Variants in GRIA3 observed in about 807,000 individuals in gnomAD.
GRIA3 encodes the protein glutamate receptor 3.
GRIA3 carries 3 observed loss-of-function variants against 63.0 expected under a neutral mutation model. The ratio of observed to expected loss-of-function variants is 0.05; its 90% CI spans 0.02 to 0.12. The LOEUF (loss-of-function observed/expected upper bound fraction) is 0.12. GRIA3 is among the 10% of genes least tolerant of loss of function. The pLI, the probability that GRIA3 is intolerant of heterozygous loss-of-function variation, is 1.00. For missense variants in GRIA3, 347 were observed against 700.9 expected (o/e 0.50, Z 5.70); for synonymous variants, 274 against 257.9 (o/e 1.06, Z -0.60).
At chrX:123,250,405 T>G (rs1187223372) in intron 2 of GRIA3, among the ~76,000 whole-genome samples, 3 of 112,182 alleles carry the variant, frequency 2.7e-5, no homozygotes, top group Non-Finnish European at 5.6e-5. Context: ...ACCTCGCCAC[T>G]TATCTTCTGT....
chrX:123,404,520 CAAA>C (rs374514027), intron 9 of GRIA3, among the ~76,000 whole-genome samples, 185 bp from the exon 10 acceptor site: 4 of 65,484 alleles, frequency 6.1e-5, no homozygotes, highest in Admixed American at 3.5e-4. Flanking sequence ...CTCCCCCTAC[CAAA>C]AAAAAAAAAA....
chrX:123,265,995 T>A (rs1160451665), intron 3 of GRIA3, among the ~76,000 whole-genome samples: 1 of 112,021 alleles, frequency 8.9e-6, no homozygotes, highest in Non-Finnish European at 1.9e-5. Context: ...GTCAGTATTC[T>A]CAACAGTGGC....
chrX:123,338,127 A>G (rs2044985553), intron 4 of GRIA3, among the ~76,000 whole-genome samples: 1 of 111,933 alleles, frequency 8.9e-6, no homozygotes, highest in Non-Finnish European at 1.9e-5. Context: ...GCTCTTCTGC[A>G]TTAACCCCAT....
At chrX:123,340,164 C>T (rs906134428) in intron 4 of GRIA3, among the ~76,000 whole-genome samples, 1 of 112,250 alleles carries the variant, frequency 8.9e-6, no homozygotes, top group Non-Finnish European at 1.9e-5. Flanking sequence ...AGGTCACCTG[C>T]CTTCTTACCC....
intron 3 of GRIA3, among the ~76,000 whole-genome samples, chrX:123,279,201 A>C: frequency 8.9e-6 from 1 of 111,733 alleles, no homozygotes; most frequent in East Asian, 2.8e-4. Context: ...GGTGGTTACC[A>C]GAGGATAGGG....
At chrX:123,192,251 A>G (rs1362536228) in intron 2 of GRIA3, among the ~76,000 whole-genome samples, 2 of 111,534 alleles carry the variant, frequency 1.8e-5, no homozygotes, top group Non-Finnish European at 3.8e-5. Flanking sequence ...TTATTTTATT[A>G]AAGAGGCTGG....
At chrX:123,304,358 T>C (rs1289433174) in intron 3 of GRIA3, among the ~76,000 whole-genome samples, 2 of 111,724 alleles carry the variant, frequency 1.8e-5, no homozygotes, top group East Asian at 2.8e-4. Flanking sequence ...AGTGTGTACA[T>C]CTGTAAAATC....
intron 3 of GRIA3, among the ~76,000 whole-genome samples, chrX:123,302,156 G>T (rs1427787526): frequency 1.8e-5 from 2 of 111,910 alleles, no homozygotes; most frequent in Non-Finnish European, 3.8e-5. Context: ...CCTGGAATCG[G>T]ATCTTAGACA....
intron 2 of GRIA3, among the ~76,000 whole-genome samples, chrX:123,239,801 A>G (rs1285651450): frequency 1.8e-5 from 2 of 112,332 alleles, no homozygotes; most frequent in Non-Finnish European, 3.8e-5. Context: ...GCTATGGAGC[A>G]CTTGAAATAT....
chrX:123,204,935 C>A (rs1418193722), intron 2 of GRIA3, among the ~76,000 whole-genome samples: 2 of 111,198 alleles, frequency 1.8e-5, no homozygotes, highest in Non-Finnish European at 3.8e-5. Context: ...CATGCATGAA[C>A]ATAAAATGGC....
In GRIA3 at chrX:123,404,734, G is replaced by T. The variant is rs759372636; in HGVS notation, c.1320G>T (p.Lys440Asn). 1 of 1,205,363 alleles carries T rather than the reference G, an allele frequency of 8.3e-7. No individual in the cohort carries two copies. Among genetic ancestry groups the T allele is most frequent in the Non-Finnish European group, 1.1e-6 (1 of 889,831 alleles). Residue 440 changes from lysine (K) to asparagine (N), a missense_variant, in exon 10 of 16, where the codon AAG becomes AAT. By Grantham distance (94) the Lys-to-Asn change is moderately conservative. Around this residue, in one of 8 missense-constraint regions of GRIA3, gnomAD observed 65 missense variants for 145.8 expected, o/e 0.45. Coordinates refer to ENST00000620443, the MANE Select transcript of GRIA3 (RefSeq NM_007325.5). ...ILESPYVMYK[K>N]NHEQLEGNER... ...AATCACCATATGTAATGTACAAGAA[G>T]AACCATGAGCAACTGGAAGGAAATG...
chrX:123,374,925 A>C (rs1178011665), intron 5 of GRIA3, among the ~76,000 whole-genome samples: 6 of 111,202 alleles, frequency 5.4e-5, no homozygotes, highest in Non-Finnish European at 1.1e-4. Context: ...GATGCTCTTT[A>C]TTTCTTTCTT....
chrX:123,248,096 C>T lies in GRIA3; in HGVS notation c.269-5207C>T, dbSNP rs753762543. ...TTGAATGTCTATTATATGCTAAGCA[C>T]TGTTATAGGTGCTGCCCATGAATGA... On this transcript the variant is annotated intron_variant, in intron 2 of 15. Coordinates refer to ENST00000620443, the MANE Select transcript of GRIA3 (RefSeq NM_007325.5). Among the ~76,000 whole-genome samples, 9 of 112,255 alleles carry T rather than the reference C, an allele frequency of 8.0e-5. No homozygotes were observed. The South Asian group carries it at 2.3e-3, about 28-fold the overall frequency.
intron 13 of GRIA3, among the ~76,000 whole-genome samples, chrX:123,471,990 CATATATATATATATATATAT>C (rs760824587): frequency 5.2e-4 from 7 of 13,415 alleles, no homozygotes; most frequent in Admixed American, 2.1e-3. Context: ...CAATGGCATT[CATATATATATATATATATAT>C]ATATATATAT....
At position 123,405,014 on chromosome X, in the gene GRIA3, T is replaced by G. The variant is rs1187918705; in HGVS notation, c.1500+100T>G. 9 of 638,082 alleles carry G rather than the reference T, an allele frequency of 1.4e-5. No individual in the cohort carries two copies. In the East Asian group the frequency reaches 2.6e-4, roughly 18 times the overall value. The allele number at this position is 638,082 out of a possible 1,213,427, so 52.6% of individuals were successfully genotyped here. On this transcript the variant is annotated intron_variant, in intron 10 of 15. Coordinates refer to ENST00000620443, the MANE Select transcript of GRIA3 (RefSeq NM_007325.5). ...CAAGTGCAGTGTTTATCCAATTGTA[T>G]AGTTTACATATAGTCTACAAGAAAA... is the stretch of plus-strand genomic sequence containing the variant.
chrX:123,236,568 C>T (rs1412574920), intron 2 of GRIA3, among the ~76,000 whole-genome samples: 2 of 110,871 alleles, frequency 1.8e-5, no homozygotes, highest in Non-Finnish European at 3.8e-5. Context: ...CCAAGTACAA[C>T]AACTGTAATT....
intron 12 of GRIA3, among the ~76,000 whole-genome samples, chrX:123,444,678 A>G (rs756131982): frequency 9.0e-6 from 1 of 110,967 alleles, no homozygotes; most frequent in Non-Finnish European, 1.9e-5. Context: ...TATCTTTACC[A>G]GCGAGAGTTA....
At chrX:123,316,050 G>A (rs1211640127) in intron 3 of GRIA3, among the ~76,000 whole-genome samples, 1 of 107,811 alleles carries the variant, frequency 9.3e-6, no homozygotes, top group Non-Finnish European at 1.9e-5. Context: ...CGTCATTCAC[G>A]TGATTTTTTG....
chrX:123,424,093 C>T lies in GRIA3; in HGVS notation c.1878-3848C>T, dbSNP rs549746615. ...GCAGCATTTTACAGCCATTTCATTA[C>T]GCTAACCTTGAAATCTGTCTTGTGC... On this transcript the variant is annotated intron_variant, in intron 11 of 15. Transcript: ENST00000620443. 3.6e-5 allele frequency among the ~76,000 whole-genome samples: 4 copies of T among 112,078 alleles called. No homozygotes were observed. The South Asian group carries it at 1.1e-3, about 31-fold the overall frequency.
Sources: allele counts gnomAD v4.1 joint callset (sites outside exome capture counted in the v4.1 genomes callset), GRCh38; gene constraint gnomAD v4.1.1; regional missense constraint gnomAD v4.1.1; transcripts MANE v1.5; gene names NCBI Gene and HGNC (gene_info 2026-07-23, HGNC 2026-07-21).